TAFA4: variants seen among roughly 807,000 people sequenced by gnomAD.
TAFA4 encodes the protein TAFA chemokine like family member 4, also known as chemokine-like protein TAFA-4.
TAFA4 carries 20 observed loss-of-function variants against 21.1 expected under a neutral mutation model. The ratio of observed to expected loss-of-function variants is 0.95; its 90% CI spans 0.67 to 1.38. The LOEUF (loss-of-function observed/expected upper bound fraction) is 1.38, where lower values mean the gene tolerates loss of function less well. Among genes scored for constraint, TAFA4 ranks in the 40% most tolerant of loss-of-function variants. TAFA4 has a pLI of 0.00. For missense variants in TAFA4, 211 were observed against 180.9 expected (o/e 1.17, Z -0.95); for synonymous variants, 71 against 67.4 (o/e 1.05, Z -0.26).
At chr3:68,811,819 G>C (rs964689624) in intron 3 of TAFA4, among the ~76,000 whole-genome samples, 2 of 152,090 alleles carry the variant, frequency 1.3e-5, no homozygotes, top group Non-Finnish European at 1.5e-5. Context: ...AGGAAATACA[G>C]AGAACACCAC....
chr3:68,902,568 A>G (rs1355611645), intron 1 of TAFA4, among the ~76,000 whole-genome samples: 3 of 152,098 alleles, frequency 2.0e-5, no homozygotes, highest in Non-Finnish European at 4.4e-5. Context: ...TGGTTTCACC[A>G]TGTTTCCCAG....
At chr3:68,814,718 C>T (rs1384802704) in intron 3 of TAFA4, among the ~76,000 whole-genome samples, 5 of 152,234 alleles carry the variant, frequency 3.3e-5, no homozygotes, top group South Asian at 4.1e-4. Flanking sequence ...GAATCAGTAT[C>T]GTGAAAATGG....
intron 3 of TAFA4, among the ~76,000 whole-genome samples, chr3:68,812,155 A>G (rs1047923207): frequency 3.9e-5 from 6 of 152,228 alleles, no homozygotes; most frequent in Non-Finnish European, 8.8e-5. Flanking sequence ...GGCCTGTGCT[A>G]AAAGAGCTCC....
At chr3:68,784,274 AGTGTGTCCGGAATTG>A (rs1265688165) in intron 3 of TAFA4, among the ~76,000 whole-genome samples, 1 of 152,234 alleles carries the variant, frequency 6.6e-6, no homozygotes, top group East Asian at 1.9e-4. Flanking sequence ...ATAAAATACT[AGTGTGTCCGGAATTG>A]GTGGGTTCTT....
intron 3 of TAFA4, among the ~76,000 whole-genome samples, chr3:68,827,831 T>C (rs1704288063): frequency 6.6e-6 from 1 of 152,368 alleles, no homozygotes; most frequent in East Asian, 1.9e-4. Flanking sequence ...TTCTGTAGGT[T>C]GCCTGTTCAC....
chr3:68,766,199 A>G (rs1352330574), intron 3 of TAFA4, among the ~76,000 whole-genome samples: 1 of 152,150 alleles, frequency 6.6e-6, no homozygotes, highest in East Asian at 1.9e-4. Context: ...AGGTACCTAA[A>G]GTTTATATGT....
rs112752511 is a variant in TAFA4 at position 68,782,549 on chromosome 3, C to T, written c.131-29531G>A. On this transcript the variant is annotated intron_variant, in intron 3 of 5. Transcript: ENST00000295569. ...TGATATATTCATACAATAAATTATC[C>T]AGTGATTGAAAAAAAATTGAGTACT... Among the ~76,000 whole-genome samples, 134 of 151,528 alleles carry T rather than the reference C, an allele frequency of 8.8e-4. 1 individual carries two copies. The highest frequency in any genetic ancestry group is 3.1e-3 in the African/African-American group (129 of 41,254).
At chr3:68,764,213 G>C (rs71302146) in intron 3 of TAFA4, among the ~76,000 whole-genome samples, 6,672 of 152,046 alleles carry the variant, frequency 0.044, 376 homozygotes, top group East Asian at 0.25. Flanking sequence ...AGAGACATCA[G>C]AGAGCTCATT....
chr3:68,800,776 C>T (rs542938848), intron 3 of TAFA4, among the ~76,000 whole-genome samples: 1 of 152,212 alleles, frequency 6.6e-6, no homozygotes, highest in African/African-American at 2.4e-5. Flanking sequence ...AAGTCAAGTT[C>T]TTCTACGTGT....
At chr3:68,857,796 A>G (rs988886730) in intron 3 of TAFA4, among the ~76,000 whole-genome samples, 7 of 151,706 alleles carry the variant, frequency 4.6e-5, no homozygotes, top group Admixed American at 1.3e-4. Context: ...TTTGGAAACT[A>G]ACATCATTCA....
chr3:68,743,599 AAG>A, intron 4 of TAFA4, among the ~76,000 whole-genome samples: 3 of 150,556 alleles, frequency 2.0e-5, no homozygotes, highest in South Asian at 4.2e-4. Context: ...AGAAAAAGTT[AAG>A]TTATATTCTT....
At chr3:68,760,514 T>C (rs550954666) in intron 3 of TAFA4, among the ~76,000 whole-genome samples, 1 of 152,250 alleles carries the variant, frequency 6.6e-6, no homozygotes, top group East Asian at 1.9e-4. Context: ...TTCCCCTTCC[T>C]CCTCCTGCCC....
intron 3 of TAFA4, among the ~76,000 whole-genome samples, chr3:68,783,860 C>A (rs1303883692): frequency 6.6e-6 from 1 of 152,092 alleles, no homozygotes; most frequent in Non-Finnish European, 1.5e-5. Context: ...CTTCAGTTTT[C>A]TTCTTTTTGC....
intron 1 of TAFA4, among the ~76,000 whole-genome samples, chr3:68,916,582 T>C (rs1438433324): frequency 6.6e-6 from 1 of 152,192 alleles, no homozygotes; most frequent in African/African-American, 2.4e-5. Flanking sequence ...CCTGTATCAT[T>C]TCACCCCACA....
intron 3 of TAFA4, among the ~76,000 whole-genome samples, chr3:68,838,608 C>G (rs974266345): frequency 6.6e-6 from 1 of 152,120 alleles, no homozygotes; most frequent in Admixed American, 6.6e-5. Flanking sequence ...TTAGGGTTTG[C>G]GGGCCATGTA....
At chr3:68,740,538 G>A (rs1320558962) in intron 4 of TAFA4, among the ~76,000 whole-genome samples, 1 of 151,854 alleles carries the variant, frequency 6.6e-6, no homozygotes, top group Non-Finnish European at 1.5e-5. Flanking sequence ...TTTTAATTAG[G>A]GTATTAATTT....
At chr3:68,829,144 A>AGGCTACTT (rs1405060335) in intron 3 of TAFA4, among the ~76,000 whole-genome samples, 2 of 152,212 alleles carry the variant, frequency 1.3e-5, no homozygotes, top group African/African-American at 4.8e-5. Flanking sequence ...CCTGACTTCA[A>AGGCTACTT]ACTATACTAC....
rs76245758 is a variant in TAFA4 at position 68,849,681 on chromosome 3, C to T, written c.130+31049G>A. ...CAGAATTCCCAATCTATAATCATGA[C>T]GTATAATACAACATTAAGTCATGAA... On this transcript the variant is annotated intron_variant, in intron 3 of 5. Transcript: ENST00000295569. Among the ~76,000 whole-genome samples, 604 of 152,286 alleles carry T rather than the reference C, an allele frequency of 4.0e-3. 3 individuals carry two copies. The highest frequency in any genetic ancestry group is 0.013 in the African/African-American group (522 of 41,546).
chr3:68,772,303 A>G (rs1702973378), intron 3 of TAFA4, among the ~76,000 whole-genome samples: 1 of 152,214 alleles, frequency 6.6e-6, no homozygotes, highest in Non-Finnish European at 1.5e-5. Flanking sequence ...AGGAATACTT[A>G]AAAAGTTGGT....
Sources: allele counts gnomAD v4.1 joint callset (sites outside exome capture counted in the v4.1 genomes callset), GRCh38; gene constraint gnomAD v4.1.1; transcripts MANE v1.5; gene names NCBI Gene and HGNC (gene_info 2026-07-23, HGNC 2026-07-21).